The following FAF1 variants were observed in gnomAD, a reference collection of about 807,000 sequenced individuals.
FAF1 encodes FAS-associated factor 1.
Under a neutral mutation model 92.5 loss-of-function variants are expected in FAF1, and 25 were observed. The observed-to-expected ratio is 0.27, with a 90% confidence interval of 0.20 to 0.38. The LOEUF is 0.38. Among genes scored for constraint, FAF1 ranks in the 10% least tolerant of loss-of-function variants. The probability of loss-of-function intolerance (pLI) is 1.00; values close to 1 mark genes in which losing one functional copy is unlikely to be tolerated. For synonymous variants in FAF1, 234 were observed against 273.2 expected (o/e 0.86, Z 1.42); for missense variants, 636 against 793.3 (o/e 0.80, Z 2.38).
At chr1:50,827,079 G>A (rs1210258868) in intron 2 of FAF1, among the ~76,000 whole-genome samples, 1 of 152,038 alleles carries the variant, frequency 6.6e-6, no homozygotes, top group African/African-American at 2.4e-5. Flanking sequence ...GGGAGGTGAG[G>A]AGCGCCTCTG....
chr1:50,574,896 C>CTGTTTTTTTTTTTTTTTTTTTTTTTTTT (rs1558000811), intron 12 of FAF1, among the ~76,000 whole-genome samples: 3 of 122,886 alleles, frequency 2.4e-5, no homozygotes, highest in African/African-American at 9.8e-5. Flanking sequence ...GTTGTATTAA[C>CTGTTTTTTTTTTTTTTTTTTTTTTTTTT]TCTTTTTTTT....
intron 15 of FAF1, among the ~76,000 whole-genome samples, chr1:50,527,496 T>C (rs1261097517): frequency 1.3e-5 from 2 of 152,214 alleles, no homozygotes; most frequent in African/African-American, 2.4e-5. Context: ...ACAGTACTGA[T>C]TCTGCCTCAT....
chr1:50,885,208 A>G (rs1049541217), intron 1 of FAF1, among the ~76,000 whole-genome samples: 3 of 152,090 alleles, frequency 2.0e-5, no homozygotes, highest in Admixed American at 6.6e-5. Flanking sequence ...CTTTTCAAAA[A>G]AACCAACTTT....
chr1:50,452,316 T>A (rs1319160767), intron 18 of FAF1: 2 of 411,264 alleles, frequency 4.9e-6, no homozygotes, highest in African/African-American at 4.2e-5. Flanking sequence ...TTCTGTAGTG[T>A]GGCAAGATAA....
At chr1:50,804,920 G>C (rs534636066) in intron 2 of FAF1, among the ~76,000 whole-genome samples, 1 of 152,270 alleles carries the variant, frequency 6.6e-6, no homozygotes, top group Admixed American at 6.5e-5. Context: ...TCAGGAGAGG[G>C]GCTCAGATGG....
intron 1 of FAF1, among the ~76,000 whole-genome samples, chr1:50,901,753 T>C (rs1644798661): frequency 6.6e-6 from 1 of 151,994 alleles, no homozygotes; most frequent in South Asian, 2.1e-4. Context: ...AGGTCCCAGC[T>C]ACTAGGGAAG....
chr1:50,916,395 C>G (rs1202558183), intron 1 of FAF1, among the ~76,000 whole-genome samples: 2 of 152,178 alleles, frequency 1.3e-5, no homozygotes, highest in African/African-American at 2.4e-5. Flanking sequence ...TAACCATAAG[C>G]ATTACCATTC....
At chr1:50,576,658 A>G in intron 12 of FAF1, among the ~76,000 whole-genome samples, 1 of 123,574 alleles carries the variant, frequency 8.1e-6, no homozygotes, top group Non-Finnish European at 1.7e-5. Context: ...CCACCCCTGC[A>G]CCAAGATATG....
At chr1:50,576,797 C>T (rs1403709366) in intron 12 of FAF1, among the ~76,000 whole-genome samples, 2 of 151,710 alleles carry the variant, frequency 1.3e-5, no homozygotes, top group Admixed American at 6.6e-5. Context: ...CACATGCCAC[C>T]GCACCTGACT....
chr1:50,586,786 T>C (rs938253072), intron 9 of FAF1, among the ~76,000 whole-genome samples: 17 of 152,224 alleles, frequency 1.1e-4, no homozygotes, highest in African/African-American at 3.9e-4. Flanking sequence ...ACAACAGTGC[T>C]TGAGTTCCCG....
intron 2 of FAF1, among the ~76,000 whole-genome samples, chr1:50,802,492 T>C (rs1306503612): frequency 2.0e-5 from 3 of 151,958 alleles, no homozygotes; most frequent in Non-Finnish European, 4.4e-5. Context: ...CAAAAGGAGG[T>C]AGCATTAGAG....
chr1:50,674,860 CTATTTTATTTTATTTTATTT>C (rs60719405), intron 7 of FAF1, among the ~76,000 whole-genome samples: 10 of 143,682 alleles, frequency 7.0e-5, no homozygotes, highest in Non-Finnish European at 1.2e-4. Context: ...TCACCTTGTA[CTATTTTATTTTATTTTATTT>C]TATTTTATTT....
chr1:50,505,135 C>T (rs970288426), intron 15 of FAF1, among the ~76,000 whole-genome samples: 3 of 152,142 alleles, frequency 2.0e-5, no homozygotes, highest in African/African-American at 7.2e-5. Context: ...TCAGGAAAGA[C>T]ATGAATGGGG....
intron 1 of FAF1, among the ~76,000 whole-genome samples, chr1:50,902,753 C>T (rs1480860032): frequency 6.6e-6 from 1 of 152,052 alleles, no homozygotes; most frequent in Non-Finnish European, 1.5e-5. Context: ...ACTGATAATA[C>T]CTAATACAAT....
chr1:50,850,594 A>T (rs1054067965), intron 2 of FAF1, among the ~76,000 whole-genome samples: 3 of 152,086 alleles, frequency 2.0e-5, no homozygotes, highest in African/African-American at 4.8e-5. Flanking sequence ...ATAAAAATAT[A>T]AAATATTAAA....
intron 4 of FAF1, among the ~76,000 whole-genome samples, chr1:50,787,295 C>A (rs1409491469): frequency 6.6e-6 from 1 of 152,126 alleles, no homozygotes; most frequent in East Asian, 1.9e-4. Context: ...GAATGTATCC[C>A]CACCCAAATT....
intron 1 of FAF1, among the ~76,000 whole-genome samples, chr1:50,957,399 T>C (rs905482612): frequency 7.1e-6 from 1 of 140,534 alleles, no homozygotes; most frequent in African/African-American, 2.7e-5. Flanking sequence ...TCGCCCAGGC[T>C]AGAGTACAGT....
At chr1:50,636,873 A>T (rs1453909696) in intron 8 of FAF1, among the ~76,000 whole-genome samples, 1 of 151,750 alleles carries the variant, frequency 6.6e-6, no homozygotes, top group Admixed American at 6.6e-5. Flanking sequence ...TGTGTATGGC[A>T]TAAGGTAAAA....
chr1:50,903,132 G>A (rs966316527), intron 1 of FAF1, among the ~76,000 whole-genome samples: 1 of 151,418 alleles, frequency 6.6e-6, no homozygotes, highest in South Asian at 2.1e-4. Context: ...TTTATCCCCA[G>A]TGCACAACAC....
Sources: allele counts gnomAD v4.1 joint callset (sites outside exome capture counted in the v4.1 genomes callset), GRCh38; gene constraint gnomAD v4.1.1; transcripts MANE v1.5; gene names NCBI Gene and HGNC (gene_info 2026-07-23, HGNC 2026-07-21).